The following MEGF11 variants were observed in gnomAD, a reference collection of about 807,000 sequenced individuals.
MEGF11 encodes the protein multiple EGF like domains 11.
In MEGF11, 126 loss-of-function variants were observed where a neutral mutation model predicts 146.6. That is an observed-to-expected ratio of 0.86 (90% CI 0.74 to 1.00). MEGF11 has a LOEUF of 1.00. Among genes scored for constraint, MEGF11 ranks in the 50% least tolerant of loss-of-function variants. MEGF11 has a pLI of 0.00. For synonymous variants in MEGF11, 532 were observed against 583.4 expected (o/e 0.91, Z 1.27); for missense variants, 1,509 against 1,521.2 (o/e 0.99, Z 0.13).
intron 10 of MEGF11, among the ~76,000 whole-genome samples, chr15:65,950,584 G>GACACACACAC (rs57977250): frequency 3.1e-4 from 46 of 148,936 alleles, no homozygotes; most frequent in African/African-American, 1.1e-3. Context: ...TAGACACACA[G>GACACACACAC]ACACACACAC....
chr15:66,009,747 C>T (rs932615184), intron 5 of MEGF11, among the ~76,000 whole-genome samples: 2 of 152,022 alleles, frequency 1.3e-5, no homozygotes, highest in South Asian at 4.2e-4. Flanking sequence ...CACATGCCAA[C>T]GTGCCTGGCT....
intron 24 of MEGF11, among the ~76,000 whole-genome samples, chr15:65,899,454 C>T (rs769975394): frequency 3.3e-5 from 5 of 152,182 alleles, no homozygotes; most frequent in South Asian, 2.1e-4. Context: ...GTGATTCTCC[C>T]GCCTCAGCCT....
At chr15:66,197,553 G>T (rs1021858008) in intron 1 of MEGF11, among the ~76,000 whole-genome samples, 2 of 152,152 alleles carry the variant, frequency 1.3e-5, no homozygotes, top group Non-Finnish European at 2.9e-5. Context: ...CTCCTGAATA[G>T]CTGGGACTAC....
chr15:65,986,994 G>A (rs2081884763), intron 5 of MEGF11, among the ~76,000 whole-genome samples: 1 of 151,508 alleles, frequency 6.6e-6, no homozygotes, highest in East Asian at 1.9e-4. Context: ...GGGCTGAAGG[G>A]CACCTGGAAG....
At chr15:66,122,899 T>C (rs1159435261) in intron 3 of MEGF11, among the ~76,000 whole-genome samples, 1 of 152,168 alleles carries the variant, frequency 6.6e-6, no homozygotes, top group African/African-American at 2.4e-5. Flanking sequence ...TTCTCTTGCC[T>C]CAGCCTCCCT....
rs11338767 is a variant in MEGF11 at position 66,134,926 on chromosome 15, GA to G, written c.-8-6516del. Among the ~76,000 whole-genome samples, 249 of 152,360 alleles carry G rather than the reference GA, an allele frequency of 1.6e-3. 1 individual carries two copies. Among genetic ancestry groups the G allele is most frequent in the African/African-American group, 5.5e-3 (228 of 41,586 alleles). On this transcript the variant is annotated intron_variant, in intron 1 of 25. Coordinates refer to ENST00000395614, the MANE Select transcript of MEGF11 (RefSeq NM_001385028.1). ...GGAGGTGACTTGCTCAAAGACACACGAAAACTTGGTTGCAGTCTTCATGTGA... is the reference window on the plus strand; with the variant it reads ...GGAGGTGACTTGCTCAAAGACACACGAAACTTGGTTGCAGTCTTCATGTGA...
chr15:66,075,409 G>T (rs995124945), intron 5 of MEGF11, among the ~76,000 whole-genome samples: 1 of 152,326 alleles, frequency 6.6e-6, no homozygotes, highest in African/African-American at 2.4e-5. Context: ...TGCAAAAAGA[G>T]CACTGGCTTT....
intron 5 of MEGF11, among the ~76,000 whole-genome samples, chr15:66,003,443 C>A (rs1195151908): frequency 1.6e-5 from 2 of 125,198 alleles, no homozygotes; most frequent in Non-Finnish European, 3.4e-5. Flanking sequence ...AATTTTCTAT[C>A]CTTAGGGGTG....
intron 10 of MEGF11, among the ~76,000 whole-genome samples, chr15:65,956,881 T>G (rs1284173504): frequency 6.6e-6 from 1 of 152,236 alleles, no homozygotes; most frequent in East Asian, 1.9e-4. Flanking sequence ...AAAGTTATTC[T>G]GAAATAGGTA....
chr15:66,195,822 C>T (rs931120469), intron 1 of MEGF11, among the ~76,000 whole-genome samples: 2 of 152,262 alleles, frequency 1.3e-5, no homozygotes, highest in Non-Finnish European at 2.9e-5. Context: ...TGGAATGAGC[C>T]GCGGTGGGGC....
chr15:65,929,558 A>T (rs181534801), intron 12 of MEGF11, among the ~76,000 whole-genome samples, 162 bp downstream of exon 12: 189 of 152,332 alleles, frequency 1.2e-3, no homozygotes, highest in Admixed American at 3.7e-3. Flanking sequence ...AAGTAGTAAA[A>T]TAGCCACAGA....
chr15:65,999,873 C>A (rs1596973234), intron 5 of MEGF11, among the ~76,000 whole-genome samples: 1 of 152,338 alleles, frequency 6.6e-6, no homozygotes, highest in African/African-American at 2.4e-5. Context: ...TTATCATCAT[C>A]CACTGGCTGT....
intron 9 of MEGF11, among the ~76,000 whole-genome samples, chr15:65,957,973 G>T (rs530311250): frequency 1.1e-4 from 16 of 152,298 alleles, no homozygotes; most frequent in Admixed American, 1.0e-3. Context: ...TCAAGAGCGG[G>T]ATTAGAACAC....
chr15:66,167,136 G>T (rs1018221773), intron 1 of MEGF11, among the ~76,000 whole-genome samples: 1 of 152,122 alleles, frequency 6.6e-6, no homozygotes, highest in Non-Finnish European at 1.5e-5. Flanking sequence ...ATGGAGCTGG[G>T]CATCTTGATA....
intron 6 of MEGF11, 93 bp from the exon 7 acceptor site, chr15:65,980,991 G>A: frequency 1.4e-6 from 2 of 1,428,434 alleles, no homozygotes; most frequent in Non-Finnish European, 1.9e-6. Context: ...TTCCTCCGCA[G>A]TTAATGGATC....
At chr15:66,020,240 G>T (rs568159156) in intron 5 of MEGF11, among the ~76,000 whole-genome samples, 1 of 152,380 alleles carries the variant, frequency 6.6e-6, no homozygotes, top group African/African-American at 2.4e-5. Context: ...ACTCCAACAG[G>T]AACATTGGGT....
intron 1 of MEGF11, among the ~76,000 whole-genome samples, chr15:66,169,946 G>T (rs1223644759): frequency 6.6e-6 from 1 of 151,964 alleles, no homozygotes; most frequent in South Asian, 2.1e-4. Context: ...CACAGAAACT[G>T]CATAAAGTGT....
intron 5 of MEGF11, among the ~76,000 whole-genome samples, chr15:66,088,634 G>A (rs555731937): frequency 1.7e-4 from 24 of 144,880 alleles, no homozygotes; most frequent in African/African-American, 6.2e-4. Context: ...CAGCCTGGGC[G>A]ACAGAGCAAG....
intron 10 of MEGF11, among the ~76,000 whole-genome samples, chr15:65,931,315 A>G (rs918336424): frequency 6.6e-6 from 1 of 152,176 alleles, no homozygotes; most frequent in African/African-American, 2.4e-5. Flanking sequence ...AGAATCTGGG[A>G]TCAACAGCTC....
Sources: gnomAD v4.1 joint callset for allele counts (sites outside exome capture counted in the v4.1 genomes callset) on GRCh38, gnomAD v4.1.1 for gene constraint, MANE v1.5 for transcripts, NCBI Gene and HGNC (gene_info 2026-07-23, HGNC 2026-07-21) for gene names.